Variants in ANK3 observed in about 807,000 individuals in gnomAD.
The protein encoded by ANK3 is ankyrin-3.
Under a neutral mutation model 370.9 loss-of-function variants are expected in ANK3, and 57 were observed. The observed-to-expected ratio is 0.15, with a 90% CI of 0.12 to 0.19. The LOEUF is 0.19. ANK3 is among the 10% of genes least tolerant of loss of function. The pLI is 1.00. For synonymous variants in ANK3, 1,929 were observed against 1,946.3 expected, an observed-to-expected ratio of 0.99 and a Z score of 0.23; for missense variants, 4,439 against 5,302.1, an observed-to-expected ratio of 0.84 and a Z score of 5.06.
Position 60,389,556 on chromosome 10 carries a change from C to T in ANK3, c.-18G>A, listed in dbSNP as rs780034277. The T allele has an allele frequency of 6.2e-7, 1 of 1,613,032 alleles. No homozygotes were observed. Among genetic ancestry groups the T allele is most frequent in the Admixed American group, 1.7e-5 (1 of 59,812 alleles). ...TGAGCCATAATGCATTTAAAAAGAT[C>T]CTCTCAAGCACACACGGCTTCCTTG... On this transcript the variant is annotated 5_prime_UTR_variant, in exon 1 of 44. Coordinates refer to ENST00000280772, the MANE Select transcript of ANK3 (RefSeq NM_020987.5).
At chr10:60,704,987 G>A (rs2079594740) in intron 1 of ANK3, among the ~76,000 whole-genome samples, 1 of 152,122 alleles carries the variant, frequency 6.6e-6, no homozygotes. Flanking sequence ...TTAGGAAAAT[G>A]AAAGCCAACT....
At chr10:60,650,366 C>CA (rs869281312) in intron 1 of ANK3, among the ~76,000 whole-genome samples, 1,437 of 27,192 alleles carry the variant, frequency 0.053, 13 homozygotes, top group African/African-American at 0.078. Context: ...TACTACTTTA[C>CA]AAAAAAAAAA....
intron 2 of ANK3, among the ~76,000 whole-genome samples, chr10:60,416,626 C>A (rs537596091): frequency 2.6e-5 from 4 of 152,100 alleles, no homozygotes; most frequent in Admixed American, 1.3e-4. Context: ...CTAAGCTGTA[C>A]AATATAGAAG....
chr10:60,359,466 AACT>A (rs1202792998), intron 1 of ANK3, among the ~76,000 whole-genome samples: 1 of 152,192 alleles, frequency 6.6e-6, no homozygotes, highest in African/African-American at 2.4e-5. Flanking sequence ...CACATAAATT[AACT>A]ACTATTATTT....
At chr10:60,361,911 G>A (rs2058668504) in intron 1 of ANK3, among the ~76,000 whole-genome samples, 2 of 150,864 alleles carry the variant, frequency 1.3e-5, no homozygotes, top group Non-Finnish European at 3.0e-5. Flanking sequence ...TTTTCTTATT[G>A]GAAAACACAT....
At chr10:60,560,139 C>A (rs118092509) in intron 2 of ANK3, among the ~76,000 whole-genome samples, 2 of 151,932 alleles carry the variant, frequency 1.3e-5, no homozygotes, top group African/African-American at 2.4e-5. Context: ...GAGTTTACCT[C>A]CAAAAAACCT....
chr10:60,669,737 G>C (rs574333563), intron 1 of ANK3, among the ~76,000 whole-genome samples: 1 of 152,140 alleles, frequency 6.6e-6, no homozygotes, highest in African/African-American at 2.4e-5. Context: ...CCTCTCTATC[G>C]AACCTTGAAA....
At chr10:60,109,697 G>A (rs1213203606) in intron 26 of ANK3, among the ~76,000 whole-genome samples, 3 of 152,084 alleles carry the variant, frequency 2.0e-5, no homozygotes, top group Non-Finnish European at 2.9e-5. Flanking sequence ...TTTATACAAT[G>A]ATTAAAAAAG....
At chr10:60,231,144 C>T (rs1187284614) in intron 8 of ANK3, among the ~76,000 whole-genome samples, 1 of 152,174 alleles carries the variant, frequency 6.6e-6, no homozygotes, top group Non-Finnish European at 1.5e-5. Flanking sequence ...TTGCTAGTCA[C>T]ACTTAAGATT....
chr10:60,265,226 C>T (rs1433876897), intron 5 of ANK3, among the ~76,000 whole-genome samples: 1 of 152,056 alleles, frequency 6.6e-6, no homozygotes, highest in East Asian at 1.9e-4. Context: ...AAAACTTATC[C>T]CTCCTCATTG....
chr10:60,325,417 C>A (rs1371378915), intron 1 of ANK3, among the ~76,000 whole-genome samples: 1 of 152,194 alleles, frequency 6.6e-6, no homozygotes, highest in Non-Finnish European at 1.5e-5. Flanking sequence ...GAACACTTAA[C>A]TGCCAGCCTG....
intron 2 of ANK3, among the ~76,000 whole-genome samples, chr10:60,549,070 A>T (rs1428616096): frequency 6.6e-6 from 1 of 151,996 alleles, no homozygotes; most frequent in East Asian, 1.9e-4. Context: ...CTTCTGAATG[A>T]CAGAATTATT....
At chr10:60,082,255 G>T in intron 34 of ANK3, 79 bp from the exon 35 acceptor site, 2 of 1,259,726 alleles carry the variant, frequency 1.6e-6, no homozygotes, top group Non-Finnish European at 1.1e-6. Flanking sequence ...GATATGAAAA[G>T]GACTGAGTAG....
chr10:60,056,619 T>TTCTA (rs939999069), intron 41 of ANK3, among the ~76,000 whole-genome samples: 7 of 152,174 alleles, frequency 4.6e-5, no homozygotes, highest in African/African-American at 1.2e-4. Flanking sequence ...GCTACTTGAA[T>TTCTA]TCTATCATCT....
chr10:60,416,528 A>G (rs905873962), intron 2 of ANK3, among the ~76,000 whole-genome samples: 1 of 152,220 alleles, frequency 6.6e-6, no homozygotes, highest in Non-Finnish European at 1.5e-5. Flanking sequence ...AAAATTCAGT[A>G]TCTGTGGTGC....
chr10:60,652,379 G>A (rs1038758834), intron 1 of ANK3, among the ~76,000 whole-genome samples: 2 of 152,156 alleles, frequency 1.3e-5, no homozygotes, highest in East Asian at 1.9e-4. Flanking sequence ...TCCATCCAGG[G>A]CAACAGAAGG....
Position 60,205,831 on chromosome 10 carries a change from G to C in ANK3, c.1254C>G (p.Leu418=). Residue 418 remains leucine, a synonymous_variant, in exon 11 of 44, where the codon CTC becomes CTG. Coordinates refer to ENST00000280772, the MANE Select transcript of ANK3 (RefSeq NM_020987.5). ...GGATGGATGCACCGTGTTTCAGAAG[G>C]AGTTCCATTACTTTAATTCGATTCT... ...CKKNRIKVME[L]LLKHGASIQA... 1 of 1,614,038 alleles carries C rather than the reference G, an allele frequency of 6.2e-7. No individual in the cohort carries two copies.
intron 2 of ANK3, among the ~76,000 whole-genome samples, chr10:60,573,117 G>A (rs2077636668): frequency 6.6e-6 from 1 of 151,792 alleles, no homozygotes; most frequent in Non-Finnish European, 1.5e-5. Flanking sequence ...AGTGATAAAA[G>A]ATCAGGTTAC....
At chr10:60,038,225 C>T (rs1276549325) in intron 43 of ANK3, among the ~76,000 whole-genome samples, 1 of 152,064 alleles carries the variant, frequency 6.6e-6, no homozygotes, top group African/African-American at 2.4e-5. Context: ...GGTGAAACCC[C>T]GTCTCTACTA....
Sources: gnomAD v4.1 joint callset for allele counts (sites outside exome capture counted in the v4.1 genomes callset) on GRCh38, gnomAD v4.1.1 for gene constraint, MANE v1.5 for transcripts, NCBI Gene and HGNC (gene_info 2026-07-23, HGNC 2026-07-21) for gene names.